RIOK3: variants seen among roughly 807,000 people sequenced by gnomAD.
RIOK3 encodes the protein serine/threonine-protein kinase RIO3.
In RIOK3, 40 loss-of-function variants were observed where a neutral mutation model predicts 63.5. The observed-to-expected ratio is 0.63, with a 90% CI of 0.49 to 0.82. The LOEUF is 0.82. Ranked by LOEUF, RIOK3 falls within the 40% of genes least tolerant of loss-of-function variation. RIOK3 has a pLI of 0.00. For missense variants in RIOK3, 557 were observed against 637.0 expected (o/e 0.87, Z 1.35); for synonymous variants, 193 against 205.0 (o/e 0.94, Z 0.50).
intron 7 of RIOK3, among the ~76,000 whole-genome samples, chr18:23,467,764 ATATTAT>A (rs34323259): frequency 1.3e-5 from 2 of 150,332 alleles, no homozygotes; most frequent in African/African-American, 2.5e-5. Context: ...TTCAATGCGT[ATATTAT>A]TATTATTATT....
chr18:23,472,106 A>C (rs969158752), intron 7 of RIOK3, among the ~76,000 whole-genome samples: 1 of 152,012 alleles, frequency 6.6e-6, no homozygotes, highest in Non-Finnish European at 1.5e-5. Context: ...GGTGGCATGC[A>C]CGTGTAATCC....
chr18:23,476,036 C>T (rs1706468626), intron 9 of RIOK3, among the ~76,000 whole-genome samples: 2 of 149,510 alleles, frequency 1.3e-5, no homozygotes, highest in South Asian at 4.2e-4. Flanking sequence ...ATCCTCTTGC[C>T]TCAGCATCCC....
chr18:23,455,016 T>C (rs2057328974), intron 1 of RIOK3, among the ~76,000 whole-genome samples: 1 of 151,546 alleles, frequency 6.6e-6, no homozygotes, highest in Admixed American at 6.5e-5. Context: ...TTCCTTCCTT[T>C]CCTTCCTTTC....
At chr18:23,465,312 A>G (rs546593526) in intron 5 of RIOK3, among the ~76,000 whole-genome samples, 1 of 152,292 alleles carries the variant, frequency 6.6e-6, no homozygotes, top group South Asian at 2.1e-4. Flanking sequence ...CAGAGGTTGT[A>G]GTGAGCCGAG....
chr18:23,459,560 A>G (rs1179950222), intron 1 of RIOK3, among the ~76,000 whole-genome samples: 2 of 152,244 alleles, frequency 1.3e-5, no homozygotes, highest in East Asian at 3.9e-4. Context: ...CTTTGGTAAC[A>G]TTGAGACAGC....
chr18:23,470,814 T>C (rs1012957878), intron 7 of RIOK3, among the ~76,000 whole-genome samples: 3 of 152,126 alleles, frequency 2.0e-5, no homozygotes, highest in African/African-American at 7.2e-5. Flanking sequence ...ACAAGGCAAA[T>C]CTTATAAATT....
chr18:23,462,964 T>C lies in RIOK3; in HGVS notation c.64T>C (p.Cys22Arg). ...GTAAAWGPSK[C>R]PWAIPQNTIS... Reference sequence around the variant, plus strand: ...GCTGTTCTTTTTTCTTTTTTCATAGTGTCCATGGGCTATTCCTCAAAATAC... The same window carrying C: ...GCTGTTCTTTTTTCTTTTTTCATAGCGTCCATGGGCTATTCCTCAAAATAC... Residue 22 changes from cysteine (C) to arginine (R), a missense_variant and splice_region_variant, in exon 2 of 13, where the codon TGT becomes CGT. By Grantham distance (180) the Cys-to-Arg change is radical (BLOSUM62 -3). Transcript: ENST00000339486. 2 of 1,418,248 alleles carry C rather than the reference T, an allele frequency of 1.4e-6. No individual in the cohort carries two copies. Among genetic ancestry groups the C allele is most frequent in the Admixed American group, 2.6e-5 (1 of 39,030 alleles). 87.9% of individuals were successfully genotyped at this position (1,418,248 alleles called of 1,614,324 possible).
intron 9 of RIOK3, among the ~76,000 whole-genome samples, chr18:23,475,941 CTT>C (rs374984418): frequency 3.2e-3 from 256 of 80,014 alleles, no homozygotes; most frequent in Admixed American, 7.8e-3. Flanking sequence ...TTTTTTGGGG[CTT>C]TTTTTTTTTT....
At chr18:23,474,908 C>G (rs1375349077) in intron 8 of RIOK3, 40 bp from the exon 9 acceptor site, 1 of 1,490,464 alleles carries the variant, frequency 6.7e-7, no homozygotes, top group East Asian at 2.3e-5. Context: ...ATTTTCTCTC[C>G]TTCTGATCTG....
chr18:23,471,156 C>T (rs1393809315), intron 7 of RIOK3, among the ~76,000 whole-genome samples: 1 of 152,146 alleles, frequency 6.6e-6, no homozygotes, highest in Non-Finnish European at 1.5e-5. Flanking sequence ...CAAAAAATAT[C>T]AGATATATGC....
At position 23,473,517 on chromosome 18, in the gene RIOK3, C is replaced by T. The variant is rs777523508; in HGVS notation, c.904C>T (p.Arg302Cys). ...AACAACCCTTAATGAATTTAAGAAT[C>T]GTGACAAATATATTAAAGATGATTT... ...FKTTLNEFKN[R>C]DKYIKDDFRF... The change falls in exon 8 of 13, where the codon CGT (arginine) becomes TGT (cysteine). Residue 302 changes from arginine to cysteine, a missense_variant. By Grantham distance (180) the Arg-to-Cys change is radical. Around this residue, in one of 3 missense-constraint regions of RIOK3, gnomAD observed 309 missense variants for 338.7 expected, o/e 0.91. Coordinates refer to ENST00000339486, the MANE Select transcript of RIOK3 (RefSeq NM_003831.5). 5.6e-6 allele frequency: 9 copies of T among 1,611,630 alleles called. No homozygotes were observed. Among genetic ancestry groups the T allele is most frequent in the South Asian group, 1.1e-5 (1 of 90,972 alleles).
rs1343855411 is a variant in RIOK3 at position 23,464,581 on chromosome 18, CATG to C, written c.501_503del (p.Asp167del). 1 of 1,608,152 alleles carries C rather than the reference CATG, an allele frequency of 6.2e-7. No homozygotes were observed. The highest frequency in any genetic ancestry group is 2.2e-5 in the East Asian group (1 of 44,636). On this transcript the variant is annotated inframe_deletion, in exon 5 of 13. Coordinates refer to ENST00000339486, the MANE Select transcript of RIOK3 (RefSeq NM_003831.5). Reference sequence around the variant, plus strand: ...AAAAGGAAAAGATATCACCACCAAACATGATGAAGTAGTATGTGGGAGAAAGAA... The same window carrying C: ...AAAAGGAAAAGATATCACCACCAAACATGAAGTAGTATGTGGGAGAAAGAA...
intron 9 of RIOK3, among the ~76,000 whole-genome samples, chr18:23,476,688 C>T (rs929329972): frequency 1.3e-5 from 2 of 152,102 alleles, no homozygotes; most frequent in Admixed American, 6.6e-5. Flanking sequence ...GTGGGCAGGT[C>T]ACGAGGTCAG....
chr18:23,463,370 C>A (rs1408148915), intron 2 of RIOK3: 3 of 198,714 alleles, frequency 1.5e-5, no homozygotes, highest in East Asian at 1.1e-4. Context: ...GAATATGTAT[C>A]TATTCTTTCA....
intron 11 of RIOK3, among the ~76,000 whole-genome samples, chr18:23,478,089 A>T (rs1315581476): frequency 6.6e-6 from 1 of 151,562 alleles, no homozygotes; most frequent in Non-Finnish European, 1.5e-5. Flanking sequence ...AAAAAAAAAA[A>T]TGTTAAAGGG....
rs887173496 is a variant in RIOK3, at chr18:23,464,791, G to GA, written c.543+167dup. On this transcript the variant is annotated intron_variant, in intron 5 of 12. Transcript: ENST00000339486. ...ATATCATGGAAACTGAGACATTAAT[G>GA]AAAATATAAAGTACCTCAGAATAAA... 9.9e-5 allele frequency among the ~76,000 whole-genome samples: 15 copies of GA among 152,196 alleles called. No homozygotes were observed. In the Middle Eastern group the frequency reaches 0.01, roughly 104 times the overall value.
intron 7 of RIOK3, among the ~76,000 whole-genome samples, chr18:23,469,610 C>G (rs1449940418): frequency 6.6e-6 from 1 of 151,428 alleles, no homozygotes; most frequent in African/African-American, 2.4e-5. Flanking sequence ...GCCTCAGCCT[C>G]CCCGGTAGCG....
At position 23,467,431 on chromosome 18, in the gene RIOK3, T is replaced by A; in HGVS notation, c.720T>A (p.Leu240=). 6.2e-7 allele frequency: 1 copy of A among 1,613,268 alleles called. No individual in the cohort carries two copies. Among genetic ancestry groups the A allele is most frequent in the Non-Finnish European group, 8.5e-7 (1 of 1,179,392 alleles). The part of the protein sequence containing the change: ...EKAVDPKTRL[L]MYKMVNSGML... ...CAGTTGATCCTAAGACACGTTTACT[T>A]ATGTATAAAATGGTCAACTCTGGAA... Residue 240 remains leucine (L), a synonymous_variant, in exon 7 of 13, where the codon CTT becomes CTA. Transcript: ENST00000339486.
intron 7 of RIOK3, among the ~76,000 whole-genome samples, chr18:23,469,220 G>C (rs2057430784): frequency 6.6e-6 from 1 of 152,074 alleles, no homozygotes; most frequent in Admixed American, 6.5e-5. Flanking sequence ...ACATGCTCAA[G>C]GGAAGGAGGT....
Sources: allele counts gnomAD v4.1 joint callset (sites outside exome capture counted in the v4.1 genomes callset), GRCh38; gene constraint gnomAD v4.1.1; regional missense constraint gnomAD v4.1.1; transcripts MANE v1.5; gene names NCBI Gene and HGNC (gene_info 2026-07-23, HGNC 2026-07-21).